Variants in FMN1 observed in about 807,000 individuals in gnomAD.
FMN1 encodes formin 1, also known as formin-1.
In FMN1, 110 loss-of-function variants were observed where a neutral mutation model predicts 132.4. The ratio of observed to expected loss-of-function variants is 0.83; its 90% CI spans 0.71 to 0.97. The LOEUF is 0.97. FMN1 is among the 50% of genes least tolerant of loss of function. The pLI is 0.00. For missense variants in FMN1, 1,792 were observed against 1,705.3 expected, an observed-to-expected ratio of 1.05 and a Z score of -0.90; for synonymous variants, 722 against 651.7, an observed-to-expected ratio of 1.11 and a Z score of -1.64.
At chr15:33,127,894 T>C (rs982833965) in intron 4 of FMN1, among the ~76,000 whole-genome samples, 3 of 151,766 alleles carry the variant, frequency 2.0e-5, no homozygotes, top group African/African-American at 7.3e-5. Context: ...ATGCCTCTCT[T>C]TATTCTACAA....
At chr15:32,856,607 C>T (rs2059136970) in intron 17 of FMN1, among the ~76,000 whole-genome samples, 3 of 152,306 alleles carry the variant, frequency 2.0e-5, no homozygotes, top group Middle Eastern at 3.4e-3. Flanking sequence ...AGTTGCTACA[C>T]TCATAAAACC....
rs145546579 is a variant in FMN1, at chr15:33,172,538, G to C, written c.-132+7660C>G. 4.8e-3 allele frequency among the ~76,000 whole-genome samples: 737 copies of C among 152,332 alleles called. 4 individuals are homozygous for C. The highest frequency in any genetic ancestry group is 7.8e-3 in the Non-Finnish European group (529 of 68,022). On this transcript the variant is annotated intron_variant, in intron 3 of 20. Coordinates refer to ENST00000616417, the MANE Select transcript of FMN1 (RefSeq NM_001277313.2). ...TAATCACCAAGGGATGGGACAGAAA[G>C]GGGAAGAAGTGTAGGATACTGACAC...
At chr15:32,900,176 T>C (rs745895385) in intron 13 of FMN1, 51 bp from the exon 14 acceptor site, 4 of 1,596,150 alleles carry the variant, frequency 2.5e-6, no homozygotes, top group East Asian at 2.2e-5. Context: ...AATGCACCCA[T>C]GTTCATTCAG....
At chr15:32,937,514 C>G (rs999082389) in intron 9 of FMN1, among the ~76,000 whole-genome samples, 4 of 152,204 alleles carry the variant, frequency 2.6e-5, no homozygotes, top group Non-Finnish European at 5.9e-5. Flanking sequence ...CATGGGGCAA[C>G]AAGGATCCGG....
Position 32,932,174 on chromosome 15 carries a change from G to A in FMN1, c.3139-5913C>T, listed in dbSNP as rs183379223. 7.2e-4 allele frequency among the ~76,000 whole-genome samples: 109 copies of A among 152,198 alleles called. 1 individual carries two copies. In the East Asian group the frequency reaches 0.019, roughly 26 times the overall value. On this transcript the variant is annotated intron_variant, in intron 9 of 20. Coordinates refer to ENST00000616417, the MANE Select transcript of FMN1 (RefSeq NM_001277313.2). Reference sequence around the variant, plus strand: ...AGCACTTTGGGAGGCCGAGGTAGGCGGATCACTTGAGGTCAGGAGTTAGAG... The same window carrying A: ...AGCACTTTGGGAGGCCGAGGTAGGCAGATCACTTGAGGTCAGGAGTTAGAG...
At position 32,790,011 on chromosome 15, in the gene FMN1, G is replaced by A. The variant is rs188965954; in HGVS notation, c.4130+8793C>T. 9.2e-5 allele frequency among the ~76,000 whole-genome samples: 13 copies of A among 141,900 alleles called. No individual in the cohort carries two copies. In the East Asian group the frequency reaches 2.3e-3, roughly 25 times the overall value. 93.1% of individuals were successfully genotyped at this position (141,900 alleles called of 152,430 possible). On this transcript the variant is annotated intron_variant, in intron 19 of 20. Transcript: ENST00000616417. ...CAATGATGAAATCACCTAACAATGC[G>A]TTTCTCACAATGTATCCCGCTAGTT...
intron 6 of FMN1, among the ~76,000 whole-genome samples, chr15:33,033,738 C>A (rs1439183304): frequency 6.6e-6 from 1 of 151,252 alleles, no homozygotes; most frequent in African/African-American, 2.4e-5. Flanking sequence ...AATTATCATT[C>A]TCTTTTAAAC....
intron 10 of FMN1, among the ~76,000 whole-genome samples, chr15:32,913,289 A>C (rs11629687): frequency 0.34 from 52,155 of 152,068 alleles, 9,329 homozygotes; most frequent in African/African-American, 0.41. Flanking sequence ...TAATTTCAAT[A>C]TTTCTCATCA....
intron 10 of FMN1, among the ~76,000 whole-genome samples, chr15:32,924,364 T>C (rs908629278): frequency 2.0e-5 from 3 of 152,226 alleles, no homozygotes; most frequent in African/African-American, 7.2e-5. Flanking sequence ...ATTTTTGTAA[T>C]GTAGCGAAAT....
intron 4 of FMN1, among the ~76,000 whole-genome samples, chr15:33,145,783 A>G (rs534937235): frequency 6.6e-6 from 1 of 151,946 alleles, no homozygotes; most frequent in South Asian, 2.1e-4. Context: ...CCCAAGCTGC[A>G]CACCTTATTT....
At chr15:33,012,639 T>A in intron 6 of FMN1, 1 of 916,564 alleles carries the variant, frequency 1.1e-6, no homozygotes, top group Non-Finnish European at 1.8e-6. Flanking sequence ...ACCACAACTG[T>A]GAAGGTAGGA....
At chr15:33,014,818 G>T (rs1466476619) in intron 6 of FMN1, among the ~76,000 whole-genome samples, 1 of 152,178 alleles carries the variant, frequency 6.6e-6, no homozygotes, top group African/African-American at 2.4e-5. Flanking sequence ...TTTGTGAAGA[G>T]CAGAATTACA....
At chr15:32,908,763 TGGGTGG>T (rs965556229) in intron 11 of FMN1, among the ~76,000 whole-genome samples, 185 bp from the exon 12 acceptor site, 16 of 151,532 alleles carry the variant, frequency 1.1e-4, no homozygotes, top group South Asian at 4.2e-4. Context: ...ACTTGGGGTG[TGGGTGG>T]GGGTGGGGGG....
At chr15:32,817,190 G>A (rs898178349) in intron 17 of FMN1, among the ~76,000 whole-genome samples, 4 of 152,184 alleles carry the variant, frequency 2.6e-5, no homozygotes, top group African/African-American at 9.7e-5. Context: ...TAATTGTTCA[G>A]ATGTTTAGTC....
intron 20 of FMN1, among the ~76,000 whole-genome samples, chr15:32,775,017 T>C (rs2056371787): frequency 6.6e-6 from 1 of 152,054 alleles, no homozygotes; most frequent in Admixed American, 6.6e-5. Context: ...GAAGCACACA[T>C]ATCAGTATGG....
intron 9 of FMN1, among the ~76,000 whole-genome samples, chr15:32,956,668 C>T (rs977036647): frequency 1.3e-5 from 2 of 152,160 alleles, no homozygotes; most frequent in African/African-American, 4.8e-5. Context: ...TCCCTAACCC[C>T]ATTGCTCAGT....
At chr15:32,833,531 G>A (rs1330394380) in intron 17 of FMN1, among the ~76,000 whole-genome samples, 1 of 151,538 alleles carries the variant, frequency 6.6e-6, no homozygotes, top group Non-Finnish European at 1.5e-5. Flanking sequence ...CAACATCCCA[G>A]GGTGAGTGAG....
intron 16 of FMN1, among the ~76,000 whole-genome samples, chr15:32,876,148 C>T (rs1027727951): frequency 6.6e-6 from 1 of 152,248 alleles, no homozygotes; most frequent in African/African-American, 2.4e-5. Flanking sequence ...TTGATTCAGT[C>T]TTCCAGCTAT....
chr15:33,161,720 C>T (rs1964898596), intron 3 of FMN1, among the ~76,000 whole-genome samples: 1 of 152,072 alleles, frequency 6.6e-6, no homozygotes, highest in Non-Finnish European at 1.5e-5. Context: ...AGATCGAGAC[C>T]ACCCTGGCCA....
Sources: gnomAD v4.1 joint callset for allele counts (sites outside exome capture counted in the v4.1 genomes callset) on GRCh38, gnomAD v4.1.1 for gene constraint, MANE v1.5 for transcripts, NCBI Gene and HGNC (gene_info 2026-07-23, HGNC 2026-07-21) for gene names.